The following SYNPR variants were observed in gnomAD, a reference collection of about 807,000 sequenced individuals.
SYNPR encodes the protein synaptoporin.
In SYNPR, 23 loss-of-function variants were observed where a neutral mutation model predicts 32.9. The ratio of observed to expected loss-of-function variants is 0.70; its 90% CI spans 0.50 to 0.99. The LOEUF (loss-of-function observed/expected upper bound fraction) is 0.99. SYNPR is among the 50% of genes least tolerant of loss of function. SYNPR has a pLI of 0.00. For missense variants in SYNPR, 318 were observed against 349.3 expected (o/e 0.91, Z 0.71); for synonymous variants, 146 against 135.9 (o/e 1.07, Z -0.52).
intron 2 of SYNPR, among the ~76,000 whole-genome samples, chr3:63,353,037 A>G (rs919464938): frequency 6.6e-6 from 1 of 152,250 alleles, no homozygotes; most frequent in Non-Finnish European, 1.5e-5. Context: ...ATTGACAAAT[A>G]ATAATTGTAT....
chr3:63,567,899 C>G (rs759976950), intron 4 of SYNPR, among the ~76,000 whole-genome samples: 6 of 152,200 alleles, frequency 3.9e-5, no homozygotes, highest in African/African-American at 1.4e-4. Context: ...TAAGAAACAT[C>G]TAATCAATTT....
chr3:63,550,336 T>C (rs1270064072), intron 3 of SYNPR, among the ~76,000 whole-genome samples: 1 of 151,730 alleles, frequency 6.6e-6, no homozygotes, highest in East Asian at 1.9e-4. Flanking sequence ...TACATATACG[T>C]GTGTGTATAT....
intron 2 of SYNPR, among the ~76,000 whole-genome samples, chr3:63,256,495 C>T (rs1575577657): frequency 1.3e-5 from 2 of 152,244 alleles, no homozygotes; most frequent in African/African-American, 4.8e-5. Context: ...CCAACAGACC[C>T]GCAGCTGAGG....
the SYNPR span, among the ~76,000 whole-genome samples, chr3:63,206,695 A>G: frequency 6.6e-6 from 1 of 152,234 alleles, no homozygotes; most frequent in Non-Finnish European, 1.5e-5. Context: ...TTTAGATGTG[A>G]AAAGGCATGA....
At chr3:63,581,490 C>T (rs772972451) in intron 4 of SYNPR, among the ~76,000 whole-genome samples, 12 of 100,480 alleles carry the variant, frequency 1.2e-4, no homozygotes, top group African/African-American at 2.9e-4. Flanking sequence ...AACAAACACA[C>T]GCACACATAA....
chr3:63,247,014 C>G (rs73115379), intron 1 of SYNPR, among the ~76,000 whole-genome samples: 1 of 151,880 alleles, frequency 6.6e-6, no homozygotes, highest in African/African-American at 2.4e-5. Context: ...CACCATGGCA[C>G]ATGTTTACCT....
At chr3:63,325,283 A>T (rs758006160) in intron 2 of SYNPR, among the ~76,000 whole-genome samples, 4 of 152,246 alleles carry the variant, frequency 2.6e-5, no homozygotes, top group Non-Finnish European at 4.4e-5. Context: ...GCTCACATGT[A>T]ATAGGTATGA....
At position 63,609,213 on chromosome 3, in the gene SYNPR, C is replaced by T. The variant is rs558433339; in HGVS notation, c.497C>T (p.Thr166Met). Residue 166 changes from threonine (T) to methionine (M), a missense_variant, in exon 5 of 6, where the codon ACG (threonine) becomes ATG (methionine). Thr to Met is a moderately conservative substitution (Grantham distance 81). Coordinates refer to ENST00000478300, the MANE Select transcript of SYNPR (RefSeq NM_001130003.2). ...GGACTGTCTGACGTCAAAGTTGCAA[C>T]GGATCCCAAGGAAGTATTGCTACTA... is the stretch of plus-strand genomic sequence containing the variant. Reference protein sequence around the residue: ...AKGLSDVKVATDPKEVLLLMS... With the variant: ...AKGLSDVKVAMDPKEVLLLMS... 3.7e-6 allele frequency: 6 copies of T among 1,609,908 alleles called. No homozygotes were observed. Among genetic ancestry groups the T allele is most frequent in the South Asian group, 2.2e-5 (2 of 89,952 alleles).
chr3:63,227,265 C>T (rs557157841), upstream of SYNPR, among the ~76,000 whole-genome samples: 16 of 152,318 alleles, frequency 1.1e-4, no homozygotes, highest in South Asian at 3.1e-3. Flanking sequence ...TCGTGTGAGG[C>T]AATGCCCCAA....
At chr3:63,319,131 C>T (rs1045440916) in intron 2 of SYNPR, among the ~76,000 whole-genome samples, 11 of 151,966 alleles carry the variant, frequency 7.2e-5, no homozygotes, top group South Asian at 2.1e-4. Flanking sequence ...CTTTCAGCCA[C>T]GGATACCAGT....
upstream of SYNPR, among the ~76,000 whole-genome samples, chr3:63,276,125 A>G (rs949673702): frequency 6.6e-6 from 1 of 152,182 alleles, no homozygotes; most frequent in African/African-American, 2.4e-5. Flanking sequence ...TAACCTCTAT[A>G]TAGAAATTAT....
intron 1 of SYNPR, among the ~76,000 whole-genome samples, chr3:63,240,190 A>G (rs2086230751): frequency 6.6e-6 from 1 of 152,126 alleles, no homozygotes; most frequent in Non-Finnish European, 1.5e-5. Context: ...CTGATGAGAC[A>G]GAAACAGAGA....
chr3:63,569,098 T>C (rs1702842527), intron 4 of SYNPR, among the ~76,000 whole-genome samples: 1 of 152,178 alleles, frequency 6.6e-6, no homozygotes, highest in African/African-American at 2.4e-5. Flanking sequence ...TTCAGTATTA[T>C]TTAACTCTGT....
At chr3:63,449,462 T>C (rs771793803) in intron 2 of SYNPR, among the ~76,000 whole-genome samples, 30 of 152,286 alleles carry the variant, frequency 2.0e-4, no homozygotes, top group Admixed American at 5.9e-4. Context: ...TATTATAAGA[T>C]GTTAAGCAGC....
chr3:63,237,980 A>G (rs1344118649), intron 1 of SYNPR, among the ~76,000 whole-genome samples: 1 of 152,048 alleles, frequency 6.6e-6, no homozygotes, highest in African/African-American at 2.4e-5. Context: ...CACCTATGCC[A>G]CTGGACTTGC....
intron 5 of SYNPR, among the ~76,000 whole-genome samples, chr3:63,610,962 A>G (rs1700188287): frequency 6.6e-6 from 1 of 152,224 alleles, no homozygotes; most frequent in Non-Finnish European, 1.5e-5. Flanking sequence ...GGACAGGTCC[A>G]GTGGTGCTGT....
intron 3 of SYNPR, among the ~76,000 whole-genome samples, chr3:63,523,917 G>A (rs905563833): frequency 2.0e-5 from 3 of 152,098 alleles, no homozygotes; most frequent in African/African-American, 7.2e-5. Context: ...ACTCACTGAG[G>A]AAGGACCCAG....
intron 4 of SYNPR, among the ~76,000 whole-genome samples, chr3:63,593,593 C>A (rs1472772): frequency 0.22 from 34,134 of 151,998 alleles, 4,362 homozygotes; most frequent in South Asian, 0.44. Flanking sequence ...TGGGAACAGT[C>A]TAGAAAAGAA....
chr3:63,262,199 G>T (rs6763514), intron 2 of SYNPR, among the ~76,000 whole-genome samples: 1 of 152,056 alleles, frequency 6.6e-6, no homozygotes, highest in Admixed American at 6.6e-5. Context: ...CCGCTGAATT[G>T]GGGTATGCAA....
Sources: allele counts gnomAD v4.1 joint callset (sites outside exome capture counted in the v4.1 genomes callset), GRCh38; gene constraint gnomAD v4.1.1; transcripts MANE v1.5; gene names NCBI Gene and HGNC (gene_info 2026-07-23, HGNC 2026-07-21).